The following TPD52 variants were observed in gnomAD, a reference collection of about 807,000 sequenced individuals.
TPD52 encodes prostate and colon associated protein.
TPD52 carries 17 observed loss-of-function variants against 31.3 expected under a neutral mutation model. The observed-to-expected ratio is 0.54, with a 90% CI of 0.37 to 0.82. The LOEUF (loss-of-function observed/expected upper bound fraction) is 0.82. TPD52 is among the 40% of genes least tolerant of loss of function. The pLI, the probability that TPD52 is intolerant of heterozygous loss-of-function variation, is 0.00. For synonymous variants in TPD52, 83 were observed against 89.6 expected, an observed-to-expected ratio of 0.93 and a Z score of 0.42; for missense variants, 212 against 240.1, an observed-to-expected ratio of 0.88 and a Z score of 0.77.
At chr8:80,095,856 G>A (rs1359276446) in intron 1 of TPD52, among the ~76,000 whole-genome samples, 3 of 152,206 alleles carry the variant, frequency 2.0e-5, no homozygotes, top group Non-Finnish European at 2.9e-5. Context: ...GCTGAGGCAG[G>A]AGAATCGCTT....
At chr8:80,055,771 C>T (rs757469608) in intron 2 of TPD52, among the ~76,000 whole-genome samples, 5 of 152,108 alleles carry the variant, frequency 3.3e-5, no homozygotes, top group Non-Finnish European at 5.9e-5. Flanking sequence ...AAATGGCCAA[C>T]AAATATATTA....
At chr8:80,132,088 G>A (rs780766532) in intron 1 of TPD52, among the ~76,000 whole-genome samples, 1 of 150,742 alleles carries the variant, frequency 6.6e-6, no homozygotes, top group Non-Finnish European at 1.5e-5. Flanking sequence ...AGAGTGCTGT[G>A]GTGTGATCTT....
chr8:80,093,779 G>C (rs1235131904), intron 1 of TPD52, among the ~76,000 whole-genome samples: 1 of 152,084 alleles, frequency 6.6e-6, no homozygotes, highest in Non-Finnish European at 1.5e-5. Context: ...TGTGCCAAAA[G>C]TGATAGCTTC....
chr8:80,086,323 T>G (rs1421755788), intron 1 of TPD52, among the ~76,000 whole-genome samples: 2 of 151,586 alleles, frequency 1.3e-5, no homozygotes, highest in Non-Finnish European at 2.9e-5. Context: ...TTCACCATAT[T>G]GGCTAGGATG....
chr8:80,155,808 G>A (rs891467525), intron 1 of TPD52, among the ~76,000 whole-genome samples: 3 of 151,778 alleles, frequency 2.0e-5, no homozygotes, highest in African/African-American at 4.8e-5. Flanking sequence ...GCTTGAACCC[G>A]GGAGGCAGAG....
intron 1 of TPD52, among the ~76,000 whole-genome samples, chr8:80,113,881 C>T (rs1393268856): frequency 2.0e-5 from 3 of 152,062 alleles, no homozygotes; most frequent in Non-Finnish European, 2.9e-5. Context: ...CATTGTATCC[C>T]GATATCAAAG....
chr8:80,069,730 A>G (rs908327766), intron 1 of TPD52, among the ~76,000 whole-genome samples: 1 of 152,230 alleles, frequency 6.6e-6, no homozygotes, highest in African/African-American at 2.4e-5. Flanking sequence ...AACAAAAAAT[A>G]ATAGTAACAT....
rs1811566726 is a variant in TPD52 at position 80,053,444 on chromosome 8, G to GT, written c.136-15dup. 1 of 1,611,548 alleles carries GT rather than the reference G, an allele frequency of 6.2e-7. No homozygotes were observed. ...TTCTTCTTCTACCTATGAGGAAGGG[G>GT]TTTGGGGTAAGAATATAGCAAAAGT... On this transcript the variant is annotated splice_polypyrimidine_tract_variant and intron_variant, in intron 2 of 7. Coordinates refer to ENST00000518937, the MANE Select transcript of TPD52 (RefSeq NM_001025253.3).
intron 1 of TPD52, among the ~76,000 whole-genome samples, chr8:80,145,731 T>C (rs1353704541): frequency 2.0e-5 from 3 of 152,174 alleles, no homozygotes; most frequent in African/African-American, 7.2e-5. Flanking sequence ...TCAGTTTCTC[T>C]ACAACCTAGG....
intron 1 of TPD52, among the ~76,000 whole-genome samples, chr8:80,152,865 C>G (rs1810681191): frequency 6.6e-6 from 1 of 151,536 alleles, no homozygotes; most frequent in Admixed American, 6.6e-5. Context: ...CCAAAGACAG[C>G]CTATGTGGCA....
rs1301832736 is a variant in TPD52, at chr8:80,149,408, C to T, written c.19+22017G>A. On this transcript the variant is annotated intron_variant, in intron 1 of 7. Coordinates refer to ENST00000518937, the MANE Select transcript of TPD52 (RefSeq NM_001025253.3). ...CATGTGGAACTATGAGTCAATTAAG[C>T]CTCTTTCTTTTATAAATTACCCACT... Among the ~76,000 whole-genome samples the T allele has an allele frequency of 3.3e-5, 5 of 152,194 alleles. No homozygotes were observed. The East Asian group carries it at 5.8e-4, about 18-fold the overall frequency.
At position 80,094,343 on chromosome 8, in the gene TPD52, T is replaced by C. The variant is rs763671622; in HGVS notation, c.20-29750A>G. ...AAATCGCCAAGCCAATTTGTTCTTA[T>C]TCTTACGCAGGTAGCTAGACTACAC... is the stretch of plus-strand genomic sequence containing the variant. On this transcript the variant is annotated intron_variant, in intron 1 of 7. Coordinates refer to ENST00000518937, the MANE Select transcript of TPD52 (RefSeq NM_001025253.3). Among the ~76,000 whole-genome samples the C allele has an allele frequency of 4.0e-5, 6 of 149,404 alleles. No homozygotes were observed. The East Asian group carries it at 5.9e-4, about 15-fold the overall frequency.
Position 80,163,717 on chromosome 8 carries a change from T to G in TPD52, c.19+7708A>C, listed in dbSNP as rs1161955199. 4.6e-5 allele frequency among the ~76,000 whole-genome samples: 7 copies of G among 152,194 alleles called. No individual in the cohort carries two copies. In the East Asian group the frequency reaches 1.3e-3, roughly 29 times the overall value. ...AAAAGCTTACATATATTCACCTCCT[T>G]TGACCTGTCTATGGAAATTTATCTT... is the stretch of plus-strand genomic sequence containing the variant. On this transcript the variant is annotated intron_variant, in intron 1 of 7. Transcript: ENST00000518937.
chr8:80,119,327 T>A (rs1029241362), intron 1 of TPD52, among the ~76,000 whole-genome samples: 1 of 152,208 alleles, frequency 6.6e-6, no homozygotes, highest in African/African-American at 2.4e-5. Context: ...GGGTTGATGT[T>A]CTAAAATTGT....
At chr8:80,082,710 T>C (rs938381068) in intron 1 of TPD52, among the ~76,000 whole-genome samples, 9 of 152,156 alleles carry the variant, frequency 5.9e-5, no homozygotes, top group Non-Finnish European at 8.8e-5. Context: ...GCACACAGCA[T>C]GTGAAGAGCC....
chr8:80,072,798 C>CATATAT (rs779389191), intron 1 of TPD52, among the ~76,000 whole-genome samples: 4 of 141,042 alleles, frequency 2.8e-5, no homozygotes, highest in African/African-American at 1.2e-4. Flanking sequence ...CACACACACA[C>CATATAT]ATATATATAT....
chr8:80,118,221 T>C (rs1044402440), intron 1 of TPD52, among the ~76,000 whole-genome samples: 7 of 152,194 alleles, frequency 4.6e-5, no homozygotes, highest in African/African-American at 1.7e-4. Flanking sequence ...AATAGTCTTT[T>C]CATTAAATGG....
chr8:80,105,729 C>CTTT (rs57266800), intron 1 of TPD52, among the ~76,000 whole-genome samples: 5 of 112,766 alleles, frequency 4.4e-5, no homozygotes, highest in Admixed American at 2.9e-4. Flanking sequence ...CCCAGGTCTG[C>CTTT]TTTTTTTTTT....
chr8:80,160,889 C>A (rs1314426418), intron 1 of TPD52, among the ~76,000 whole-genome samples: 73 of 95,034 alleles, frequency 7.7e-4, no homozygotes, highest in South Asian at 1.6e-3. Context: ...ACTAAAAATA[C>A]AAAAAAAAAA....
Sources: allele counts gnomAD v4.1 joint callset (sites outside exome capture counted in the v4.1 genomes callset), GRCh38; gene constraint gnomAD v4.1.1; transcripts MANE v1.5; gene names NCBI Gene and HGNC (gene_info 2026-07-23, HGNC 2026-07-21).